PHF10: variants seen among roughly 807,000 people sequenced by gnomAD.
The protein encoded by PHF10 is BRG1-associated factor 45a.
In PHF10, 51 loss-of-function variants were observed where a neutral mutation model predicts 68.5. The ratio of observed to expected loss-of-function variants is 0.74; its 90% CI spans 0.59 to 0.94. The LOEUF (loss-of-function observed/expected upper bound fraction) is 0.94. Ranked by LOEUF, PHF10 falls within the 40% of genes least tolerant of loss-of-function variation. The pLI, the probability that PHF10 is intolerant of heterozygous loss-of-function variation, is 0.00. For missense variants in PHF10, 460 were observed against 602.6 expected (o/e 0.76, Z 2.48); for synonymous variants, 204 against 203.5 (o/e 1.00, Z -0.02).
At chr6:169,714,695 A>C (rs187763905) in intron 7 of PHF10, 38 bp downstream of exon 7, 1 of 1,038,294 alleles carries the variant, frequency 9.6e-7, no homozygotes, top group Non-Finnish European at 1.5e-6. Flanking sequence ...ACCCCTTACC[A>C]ATAGCCGATA....
intron 4 of PHF10, among the ~76,000 whole-genome samples, chr6:169,717,536 AAAG>A (rs1048358376): frequency 2.0e-5 from 3 of 152,218 alleles, no homozygotes; most frequent in African/African-American, 7.2e-5. Flanking sequence ...CTGCAAGTGA[AAAG>A]AATAATGGTT....
At chr6:169,705,840 C>T (rs1335595589) in intron 9 of PHF10, 116 bp from the exon 10 acceptor site, 5 of 661,916 alleles carry the variant, frequency 7.6e-6, no homozygotes, top group Non-Finnish European at 1.4e-5. Flanking sequence ...TAATGAGGAC[C>T]ATTTTGAAAG....
At chr6:169,709,530 G>C (rs530585810) in intron 9 of PHF10, 4 of 152,236 alleles carry the variant, frequency 2.6e-5, no homozygotes, top group Non-Finnish European at 5.9e-5. Flanking sequence ...CAGAAGAAAA[G>C]GGAGGGGCAG....
At chr6:169,721,656 G>C (rs550160854) in intron 1 of PHF10, among the ~76,000 whole-genome samples, 1 of 151,676 alleles carries the variant, frequency 6.6e-6, no homozygotes, top group South Asian at 2.1e-4. Context: ...AAAAAAAGAA[G>C]CTTGAGAGGG....
chr6:169,712,044 A>G (rs1256533497), intron 8 of PHF10, among the ~76,000 whole-genome samples: 2 of 152,200 alleles, frequency 1.3e-5, no homozygotes, highest in South Asian at 2.1e-4. Context: ...CCCCTCAACT[A>G]AGAAAACTAC....
rs1789265997 is a variant in PHF10, at chr6:169,724,160, G to A, written c.-229C>T. ...TCGCCAGCGCGCCGCCCGCGCGGGA[G>A]GGCGCCAAAGGCTGGGAGGGCGCGG... is the stretch of plus-strand genomic sequence containing the variant. On this transcript the variant is annotated 5_prime_UTR_variant, in exon 1 of 12. Coordinates refer to ENST00000339209, the MANE Select transcript of PHF10 (RefSeq NM_018288.4). 1 of 145,664 alleles carries A rather than the reference G, an allele frequency of 6.9e-6. No individual in the cohort carries two copies. Among genetic ancestry groups the A allele is most frequent in the African/African-American group, 2.5e-5 (1 of 40,560 alleles). 9.0% of individuals were successfully genotyped at this position (145,664 alleles called of 1,614,324 possible).
chr6:169,712,713 T>C (rs1788953269), intron 7 of PHF10, among the ~76,000 whole-genome samples, 174 bp from the exon 8 acceptor site: 1 of 152,212 alleles, frequency 6.6e-6, no homozygotes. Flanking sequence ...AGCCTGAACA[T>C]CTTTTCACTA....
chr6:169,723,858 G>C lies in PHF10; in HGVS notation c.74C>G (p.Ala25Gly). 9.2e-7 allele frequency: 1 copy of C among 1,089,318 alleles called. No homozygotes were observed. Among genetic ancestry groups the C allele is most frequent in the Non-Finnish European group, 1.1e-6 (1 of 888,150 alleles). 67.5% of individuals were successfully genotyped at this position (1,089,318 alleles called of 1,614,324 possible). A position where few individuals can be genotyped will look rare whatever the true frequency, so the allele number is the denominator to read the frequency against. Residue 25 changes from alanine (A) to glycine (G), a missense_variant, in exon 1 of 12, where the codon GCG becomes GGG. Around this residue, in one of 3 missense-constraint regions of PHF10, gnomAD observed 93 missense variants for 82.4 expected, o/e 1.13. Transcript: ENST00000339209. The part of the protein sequence containing the change: ...PCDSDPATPG[A>G]QSPKDDNEDN... ...CCGCTTCCTCACCTTCGGGGACTGC[G>C]CTCCGGGGGTGGCTGGGTCGCTGTC...
chr6:169,720,425 A>G (rs1194663065), intron 2 of PHF10, among the ~76,000 whole-genome samples: 3 of 152,200 alleles, frequency 2.0e-5, no homozygotes, highest in Non-Finnish European at 4.4e-5. Context: ...CTGAATGGAT[A>G]AACAAAATCA....
chr6:169,704,401 T>G, intron 11 of PHF10: 1 of 303,538 alleles, frequency 3.3e-6, no homozygotes, highest in Admixed American at 5.2e-5. Flanking sequence ...TCAAAACCCA[T>G]TCCGGAATTT....
intron 9 of PHF10, among the ~76,000 whole-genome samples, chr6:169,706,642 A>G (rs1337944700): frequency 6.6e-6 from 1 of 151,992 alleles, no homozygotes; most frequent in Non-Finnish European, 1.5e-5. Flanking sequence ...CTCATGCTAT[A>G]GAAATAAGTA....
chr6:169,717,174 G>A (rs545873666), intron 4 of PHF10, among the ~76,000 whole-genome samples: 10 of 152,192 alleles, frequency 6.6e-5, no homozygotes, highest in African/African-American at 1.9e-4. Flanking sequence ...CCTTGAACCC[G>A]GGAGATGGAG....
rs538396885 is a variant in PHF10, at chr6:169,706,521, T to C, written c.1114-797A>G. ...TGAAGGTGTCTGAATTTTAGACATATTTGGTTACACATGGAAATGACAAAG... is the reference window on the plus strand; with the variant it reads ...TGAAGGTGTCTGAATTTTAGACATACTTGGTTACACATGGAAATGACAAAG... On this transcript the variant is annotated intron_variant, in intron 9 of 11. Transcript: ENST00000339209. 5.5e-4 allele frequency among the ~76,000 whole-genome samples: 84 copies of C among 152,214 alleles called. 1 individual carries two copies. The highest frequency in any genetic ancestry group is 8.7e-4 in the Non-Finnish European group (59 of 68,010).
At chr6:169,708,631 T>G (rs1788860703) in intron 9 of PHF10, 1 of 152,186 alleles carries the variant, frequency 6.6e-6, no homozygotes, top group Non-Finnish European at 1.5e-5. Flanking sequence ...TTGCATATCC[T>G]ACTTGAGTAC....
Position 169,721,054 on chromosome 6 carries a change from C to T in PHF10, c.145G>A (p.Gly49Ser). The part of the protein sequence containing the change: ...GTQPSKRRRM[G>S]SGDSSRSCET... ...CAACTCCTAGAACTATCTCCTGAGCCCATTCGCCTCCTTTTGGATGGCTGG... is the reference window on the plus strand; with the variant it reads ...CAACTCCTAGAACTATCTCCTGAGCTCATTCGCCTCCTTTTGGATGGCTGG... Residue 49 changes from glycine to serine, a missense_variant, in exon 2 of 12, where the codon GGC becomes AGC. By Grantham distance (56) the Gly-to-Ser change is moderately conservative. Coordinates refer to ENST00000339209, the MANE Select transcript of PHF10 (RefSeq NM_018288.4). 1.3e-6 allele frequency: 2 copies of T among 1,547,760 alleles called. No homozygotes were observed. The highest frequency in any genetic ancestry group is 1.4e-5 in the African/African-American group (1 of 73,056).
At chr6:169,717,148 A>G (rs1305101684) in intron 4 of PHF10, among the ~76,000 whole-genome samples, 2 of 152,176 alleles carry the variant, frequency 1.3e-5, no homozygotes, top group Non-Finnish European at 2.9e-5. Context: ...GCTACTCGGT[A>G]GGCTGAGGGA....
At position 169,724,488 on chromosome 6, in the gene PHF10, C is replaced by T. The variant is rs1486717196; in HGVS notation, c.-557G>A. 6.9e-6 allele frequency among the ~76,000 whole-genome samples: 1 copy of T among 145,188 alleles called. No individual in the cohort carries two copies. Among genetic ancestry groups the T allele is most frequent in the African/African-American group, 2.5e-5 (1 of 40,376 alleles). The stretch of plus-strand genomic sequence containing the variant: ...CGCCGCCGCCTGGCTCCCCACGGCC[C>T]GGCGTTGTACTCGGCCGCGGCTCCC... On this transcript the variant is annotated 5_prime_UTR_variant, in exon 1 of 12. Transcript: ENST00000339209.
intron 3 of PHF10, among the ~76,000 whole-genome samples, 155 bp downstream of exon 3, chr6:169,718,633 G>A (rs184330844): frequency 2.6e-5 from 4 of 152,170 alleles, no homozygotes; most frequent in East Asian, 1.9e-4. Flanking sequence ...GCACCAGTGC[G>A]CTCTAGCCTG....
At position 169,724,207 on chromosome 6, in the gene PHF10, A is replaced by C. The variant is rs1305032232; in HGVS notation, c.-276T>G. Among the ~76,000 whole-genome samples, 1 of 142,300 alleles carries C rather than the reference A, an allele frequency of 7.0e-6. No individual in the cohort carries two copies. Among genetic ancestry groups the C allele is most frequent in the African/African-American group, 2.5e-5 (1 of 39,398 alleles). 93.4% of individuals were successfully genotyped at this position (142,300 alleles called of 152,430 possible). On this transcript the variant is annotated 5_prime_UTR_variant, in exon 1 of 12. Coordinates refer to ENST00000339209, the MANE Select transcript of PHF10 (RefSeq NM_018288.4). ...GCGGGGCTGCGGGCCGGAATGGAGG[A>C]GGCCCAGCGGCGGCGGCGCTTCTCA...
Sources: gnomAD v4.1 joint callset for allele counts (sites outside exome capture counted in the v4.1 genomes callset) on GRCh38, gnomAD v4.1.1 for gene constraint, gnomAD v4.1.1 regional missense constraint, MANE v1.5 for transcripts, NCBI Gene and HGNC (gene_info 2026-07-23, HGNC 2026-07-21) for gene names.